The following GFI1B variants were observed in gnomAD, a reference collection of about 807,000 sequenced individuals.
The protein encoded by GFI1B is growth factor independent 1B transcriptional repressor.
GFI1B carries 20 observed loss-of-function variants against 35.3 expected under a neutral mutation model. The observed-to-expected ratio is 0.57, with a 90% confidence interval of 0.40 to 0.82. GFI1B has a LOEUF of 0.82. GFI1B is among the 40% of genes least tolerant of loss of function. The pLI is 0.00. For synonymous variants in GFI1B, 178 were observed against 177.6 expected, an observed-to-expected ratio of 1.00 and a Z score of -0.02; for missense variants, 430 against 446.3, an observed-to-expected ratio of 0.96 and a Z score of 0.33.
chr9:132,963,295 C>T (rs1216261526), intron 1 of GFI1B, among the ~76,000 whole-genome samples: 17 of 151,920 alleles, frequency 1.1e-4, no homozygotes, highest in Middle Eastern at 3.2e-3. Flanking sequence ...GCCTGGCCAA[C>T]GTGGTGAAAC....
intron 1 of GFI1B, among the ~76,000 whole-genome samples, chr9:132,959,793 C>T (rs906154109): frequency 2.0e-5 from 3 of 152,180 alleles, no homozygotes; most frequent in Non-Finnish European, 2.9e-5. Context: ...GCTGTGGCTG[C>T]GTCAGCCCAG....
At chr9:132,959,022 G>C (rs1353082158) in intron 1 of GFI1B, among the ~76,000 whole-genome samples, 1 of 152,164 alleles carries the variant, frequency 6.6e-6, no homozygotes, top group Non-Finnish European at 1.5e-5. Flanking sequence ...GGTCCTGGGT[G>C]AGTCTCCAAG....
intron 1 of GFI1B, among the ~76,000 whole-genome samples, chr9:132,953,929 T>G (rs1047948599): frequency 6.6e-6 from 1 of 152,102 alleles, no homozygotes; most frequent in African/African-American, 2.4e-5. Context: ...AGAGTGAGAC[T>G]CCATCTCAAA....
chr9:132,981,021 G>A (rs1351813468), intron 1 of GFI1B, among the ~76,000 whole-genome samples: 1 of 152,092 alleles, frequency 6.6e-6, no homozygotes, highest in African/African-American at 2.4e-5. Flanking sequence ...TCAGCCTCCT[G>A]GGTAGCTGGG....
chr9:132,992,322 A>G (rs1849318453), downstream of GFI1B, among the ~76,000 whole-genome samples: 1 of 152,196 alleles, frequency 6.6e-6, no homozygotes, highest in Non-Finnish European at 1.5e-5. Flanking sequence ...GATTGGCTGA[A>G]TAATGGCCCC....
rs1184678414 is a variant in GFI1B, at chr9:132,988,458, A to G, written c.500A>G (p.Lys167Arg). 6.2e-7 allele frequency: 1 copy of G among 1,613,684 alleles called. No homozygotes were observed. Among genetic ancestry groups the G allele is most frequent in the East Asian group, 2.2e-5 (1 of 44,878 alleles). ...SPGMDAYHCV[K>R]CNKVFSTPHG... ...GGCATGGATGCGTACCACTGTGTGA[A>G]GTGCAACAAGGTGGGCAGCGGGGGG... Residue 167 changes from lysine (K) to arginine (R), a missense_variant, in exon 4 of 7, where the codon AAG (lysine) becomes AGG (arginine). Coordinates refer to ENST00000372122, the MANE Select transcript of GFI1B (RefSeq NM_001377304.1).
Position 132,964,784 on chromosome 9 carries a change from G to A in GFI1B, c.-700-7941G>A, listed in dbSNP as rs1284841295. Among the ~76,000 whole-genome samples the A allele has an allele frequency of 2.2e-5, 3 of 135,878 alleles. No individual in the cohort carries two copies. In the East Asian group the frequency reaches 6.3e-4, roughly 28 times the overall value. The allele number at this position is 135,878 out of a possible 152,430, so 89.1% of individuals were successfully genotyped here. On this transcript the variant is annotated intron_variant, in intron 1 of 10. Transcript: ENST00000339463. Reference sequence around the variant, plus strand: ...TTTTTTTTTTTTTGATGGAGTTCCAGGCTGGAGTGCAGTGGCGTGATCTCG... The same window carrying A: ...TTTTTTTTTTTTTGATGGAGTTCCAAGCTGGAGTGCAGTGGCGTGATCTCG...
chr9:132,969,869 A>T (rs946703374), intron 1 of GFI1B, among the ~76,000 whole-genome samples: 1 of 152,204 alleles, frequency 6.6e-6, no homozygotes, highest in Non-Finnish European at 1.5e-5. Flanking sequence ...TTTGCTAAAA[A>T]GCAGCAGGAA....
chr9:132,951,278 C>A, intron 1 of GFI1B: 1 of 152,192 alleles, frequency 6.6e-6, no homozygotes, highest in Non-Finnish European at 1.5e-5. Flanking sequence ...CAGCTGCCAC[C>A]GCTCTGGATC....
In GFI1B at chr9:132,957,918, G is replaced by A. The variant is rs78365236; in HGVS notation, c.-701+12249G>A. 8.2e-3 allele frequency among the ~76,000 whole-genome samples: 1,244 copies of A among 152,266 alleles called. 15 individuals carry two copies. The highest frequency in any genetic ancestry group is 0.028 in the African/African-American group (1,177 of 41,554). ...CGAACAGTTTCCTATGGTTTTGCGT[G>A]CATATATTTACCTTCAGAATAATCC... On this transcript the variant is annotated intron_variant, in intron 1 of 10. Coordinates refer to the GFI1B transcript ENST00000339463.
At position 132,986,799 on chromosome 9, in the gene GFI1B, G is replaced by A. The variant is rs559381069; in HGVS notation, c.100+21G>A. On this transcript the variant is annotated intron_variant, in intron 2 of 6. Coordinates refer to ENST00000372122, the MANE Select transcript of GFI1B (RefSeq NM_001377304.1). Reference sequence around the variant, plus strand: ...CCCGGGTGAGTCAGAGCCCGGGCTGGCGCCTGCTGCACCCACGGGGGGCTC... The same window carrying A: ...CCCGGGTGAGTCAGAGCCCGGGCTGACGCCTGCTGCACCCACGGGGGGCTC... 3 of 1,495,678 alleles carry A rather than the reference G, an allele frequency of 2.0e-6. No individual in the cohort carries two copies. In the South Asian group the frequency reaches 3.5e-5, roughly 17 times the overall value. The allele number at this position is 1,495,678 out of a possible 1,614,324, so 92.7% of individuals were successfully genotyped here.
chr9:132,967,690 A>G (rs1375290309), intron 1 of GFI1B, among the ~76,000 whole-genome samples: 1 of 152,206 alleles, frequency 6.6e-6, no homozygotes, highest in African/African-American at 2.4e-5. Flanking sequence ...TGTTTAGGAG[A>G]TACATGCTCC....
In GFI1B at chr9:132,989,209, G is replaced by A; in HGVS notation, c.648+11G>A. The A allele has an allele frequency of 6.2e-7, 1 of 1,610,436 alleles. No homozygotes were observed. The highest frequency in any genetic ancestry group is 8.5e-7 in the Non-Finnish European group (1 of 1,178,682). On this transcript the variant is annotated intron_variant, in intron 5 of 6. Coordinates refer to ENST00000372122, the MANE Select transcript of GFI1B (RefSeq NM_001377304.1). The surrounding 1 kb of genome is among the most constrained non-coding windows in gnomAD (Gnocchi z 6.2). ...CACGTCCACTCCCAGGTGGGCACCT[G>A]GCCCAGCGCAGGACTCCCAGCCCCA...
intron 1 of GFI1B, chr9:132,951,091 C>G (rs1848194756): frequency 6.6e-6 from 1 of 152,198 alleles, no homozygotes; most frequent in African/African-American, 2.4e-5. Context: ...ATCCTCTTGC[C>G]TTGACCTCCC....
upstream of GFI1B, chr9:132,975,050 A>G (rs1474618700): frequency 6.6e-6 from 1 of 152,256 alleles, no homozygotes; most frequent in Non-Finnish European, 1.5e-5. Flanking sequence ...GCTTGAGACC[A>G]GGAGTTCAAG....
At chr9:132,947,669 C>A (rs11243946) in intron 1 of GFI1B, among the ~76,000 whole-genome samples, 32,661 of 151,658 alleles carry the variant, frequency 0.22, 3,616 homozygotes, top group African/African-American at 0.23. Flanking sequence ...ATTAGCCAGG[C>A]GTGGTGGCGG....
Position 132,962,922 on chromosome 9 carries a change from A to AG in GFI1B, c.-700-9803_-700-9802insG, listed in dbSNP as rs1301790585. Among the ~76,000 whole-genome samples the AG allele has an allele frequency of 3.4e-5, 5 of 148,346 alleles. No individual in the cohort carries two copies. The East Asian group carries it at 1.0e-3, about 30-fold the overall frequency. Reference sequence around the variant, plus strand: ...CCCATCTCTACTAAAAATACAAAAAAAAAAAAAAAAATAGCCAGGCGTGGT... The same window carrying AG: ...CCCATCTCTACTAAAAATACAAAAAAGAAAAAAAAAAATAGCCAGGCGTGGT... On this transcript the variant is annotated intron_variant, in intron 1 of 10. Coordinates refer to the GFI1B transcript ENST00000339463.
chr9:132,972,157 C>T (rs921679432), intron 1 of GFI1B, among the ~76,000 whole-genome samples: 4 of 152,132 alleles, frequency 2.6e-5, no homozygotes, highest in Admixed American at 2.6e-4. Context: ...AGTAGTGGCT[C>T]ATGCCTGTAA....
chr9:132,987,551 G>A (rs975499921), intron 3 of GFI1B, 132 bp downstream of exon 3: 8 of 1,025,580 alleles, frequency 7.8e-6, no homozygotes, highest in Admixed American at 2.0e-5. Flanking sequence ...TGCAGCCCGG[G>A]CTCTGTGGCT....
Sources: allele counts gnomAD v4.1 joint callset (sites outside exome capture counted in the v4.1 genomes callset), GRCh38; gene constraint gnomAD v4.1.1; non-coding constraint Gnocchi (gnomAD v3.1); transcripts MANE v1.5; gene names NCBI Gene and HGNC (gene_info 2026-07-23, HGNC 2026-07-21).